Variants in TTC29 observed in about 807,000 individuals in gnomAD.
The protein encoded by TTC29 is tetratricopeptide repeat protein 29.
A neutral mutation model predicts 58.1 loss-of-function variants in TTC29; 49 were observed. That is an observed-to-expected ratio of 0.84 (90% CI 0.67 to 1.07). The LOEUF (loss-of-function observed/expected upper bound fraction) is 1.07. Among genes scored for constraint, TTC29 ranks in the 50% least tolerant of loss-of-function variants. The pLI is 0.00. For synonymous variants in TTC29, 209 were observed against 196.8 expected (o/e 1.06, Z -0.52); for missense variants, 582 against 555.6 (o/e 1.05, Z -0.48).
chr4:146,752,694 C>A (rs1579593892), intron 11 of TTC29, among the ~76,000 whole-genome samples: 1 of 151,956 alleles, frequency 6.6e-6, no homozygotes, highest in East Asian at 1.9e-4. Flanking sequence ...GTACTGGTAC[C>A]AAAACAGAGA....
intron 10 of TTC29, among the ~76,000 whole-genome samples, chr4:146,808,325 G>T (rs1476464479): frequency 6.6e-6 from 1 of 152,026 alleles, no homozygotes; most frequent in African/African-American, 2.4e-5. Context: ...TTTGAAAACC[G>T]GCACAAGAGA....
At chr4:146,909,285 T>C (rs750536400) in intron 4 of TTC29, 36 bp from the exon 5 acceptor site, 2 of 1,491,996 alleles carry the variant, frequency 1.3e-6, no homozygotes, top group South Asian at 2.3e-5. Flanking sequence ...CAGGTTTATG[T>C]TAATCCTTTC....
At chr4:146,931,401 A>G (rs186185986) in intron 4 of TTC29, among the ~76,000 whole-genome samples, 197 of 152,370 alleles carry the variant, frequency 1.3e-3, no homozygotes, top group Middle Eastern at 6.8e-3. Flanking sequence ...TAAAAGCCAA[A>G]GAAAAATGAG....
At chr4:146,836,114 C>A (rs1453108388) in intron 8 of TTC29, among the ~76,000 whole-genome samples, 2 of 152,084 alleles carry the variant, frequency 1.3e-5, no homozygotes, top group Non-Finnish European at 2.9e-5. Flanking sequence ...AAAAGAAAAT[C>A]TACTTCTGAG....
At chr4:146,844,278 T>A (rs551289739) in intron 8 of TTC29, among the ~76,000 whole-genome samples, 5 of 152,156 alleles carry the variant, frequency 3.3e-5, no homozygotes, top group Non-Finnish European at 7.4e-5. Context: ...CAAAATTTCA[T>A]ATACAGTTAG....
intron 8 of TTC29, among the ~76,000 whole-genome samples, chr4:146,861,446 C>T (rs1309322654): frequency 1.3e-5 from 2 of 152,094 alleles, no homozygotes; most frequent in Non-Finnish European, 2.9e-5. Context: ...TCTCTATGAC[C>T]CCTTGCACAG....
intron 11 of TTC29, among the ~76,000 whole-genome samples, chr4:146,713,436 G>T (rs1440252775): frequency 6.6e-6 from 1 of 151,962 alleles, no homozygotes; most frequent in Non-Finnish European, 1.5e-5. Flanking sequence ...TATGTGATTT[G>T]GGGGGTAATA....
In TTC29 at chr4:146,717,281, G is replaced by T. The variant is rs183201836; in HGVS notation, c.1331-9730C>A. Among the ~76,000 whole-genome samples, 322 of 152,074 alleles carry T rather than the reference G, an allele frequency of 2.1e-3. 2 individuals carry two copies. Among genetic ancestry groups the T allele is most frequent in the South Asian group, 0.01 (50 of 4,818 alleles). ...AGCACTTGTATGGTTATTATTATTA[G>T]TAGTAGTAGTATTTTGAGATGGAGT... On this transcript the variant is annotated intron_variant, in intron 11 of 12. Coordinates refer to ENST00000325106, the MANE Select transcript of TTC29 (RefSeq NM_031956.4).
At chr4:146,824,066 C>T (rs1752020357) in intron 9 of TTC29, among the ~76,000 whole-genome samples, 1 of 152,162 alleles carries the variant, frequency 6.6e-6, no homozygotes, top group African/African-American at 2.4e-5. Flanking sequence ...ATTTCACTTC[C>T]TCTCTTCCTC....
chr4:146,875,836 G>A (rs1731220471), intron 6 of TTC29, among the ~76,000 whole-genome samples: 1 of 152,140 alleles, frequency 6.6e-6, no homozygotes, highest in South Asian at 2.1e-4. Flanking sequence ...TTAGCTGTAA[G>A]TAATTTCTTT....
chr4:146,867,506 C>A lies in TTC29; in HGVS notation c.877G>T (p.Ala293Ser). ...AHLAAEEYET[A>S]LTVLDTYCKI... ...TTAAAAGTTTAGCTTACTGTTAATG[C>A]TGTTTCATATTCCTCAGCAGCTAAG... is the stretch of plus-strand genomic sequence containing the variant. The change falls in exon 8 of 13, where the codon GCA becomes TCA. Residue 293 changes from alanine to serine, a missense_variant. By Grantham distance (99) the Ala-to-Ser change is moderately conservative (BLOSUM62 1). Coordinates refer to ENST00000325106, the MANE Select transcript of TTC29 (RefSeq NM_031956.4). The A allele has an allele frequency of 6.7e-7, 1 of 1,503,414 alleles. No individual in the cohort carries two copies. 93.1% of individuals were successfully genotyped at this position (1,503,414 alleles called of 1,614,324 possible).
intron 7 of TTC29, 133 bp downstream of exon 7, chr4:146,874,582 TA>T: frequency 1.4e-6 from 1 of 735,402 alleles, no homozygotes; most frequent in Non-Finnish European, 2.2e-6. Flanking sequence ...AATTTGAAAG[TA>T]AATTGATGGC....
At chr4:146,844,580 C>T (rs566867833) in intron 8 of TTC29, among the ~76,000 whole-genome samples, 18 of 151,818 alleles carry the variant, frequency 1.2e-4, no homozygotes, top group Non-Finnish European at 1.8e-4. Flanking sequence ...GGGGTTTTGT[C>T]ATGTTGCTTA....
intron 2 of TTC29, among the ~76,000 whole-genome samples, chr4:146,941,432 A>C (rs80201660): frequency 0.034 from 5,229 of 152,320 alleles, 87 homozygotes; most frequent in Non-Finnish European, 0.04. Context: ...AGCAGTGAAG[A>C]AAAAGACAAA....
chr4:146,933,105 G>A (rs1735477256), intron 4 of TTC29, among the ~76,000 whole-genome samples: 1 of 151,574 alleles, frequency 6.6e-6, no homozygotes, highest in African/African-American at 2.4e-5. Flanking sequence ...TTTCTTTACA[G>A]CCCAAACTCA....
chr4:146,911,878 A>G (rs1733920352), intron 4 of TTC29, among the ~76,000 whole-genome samples: 1 of 152,124 alleles, frequency 6.6e-6, no homozygotes. Context: ...GTCTGGAAAA[A>G]CAAATACCCT....
At chr4:146,728,147 C>CG (rs1669558725) in intron 11 of TTC29, among the ~76,000 whole-genome samples, 1 of 151,716 alleles carries the variant, frequency 6.6e-6, no homozygotes, top group African/African-American at 2.4e-5. Context: ...ATTAGCCGGG[C>CG]GAGGTGGTGG....
intron 6 of TTC29, among the ~76,000 whole-genome samples, chr4:146,903,311 T>C (rs17656358): frequency 0.28 from 43,003 of 151,872 alleles, 6,655 homozygotes; most frequent in South Asian, 0.41. Flanking sequence ...GGGTGGGAAC[T>C]GTAGGCTGAG....
intron 9 of TTC29, among the ~76,000 whole-genome samples, chr4:146,820,955 C>A (rs1049081582): frequency 2.6e-5 from 4 of 151,812 alleles, no homozygotes; most frequent in Admixed American, 2.6e-4. Context: ...TGGCATGAAC[C>A]TGGGAGGCGG....
Sources: allele counts gnomAD v4.1 joint callset (sites outside exome capture counted in the v4.1 genomes callset), GRCh38; gene constraint gnomAD v4.1.1; transcripts MANE v1.5; gene names NCBI Gene and HGNC (gene_info 2026-07-23, HGNC 2026-07-21).